The following IQGAP2 variants were observed in gnomAD, a reference collection of about 807,000 sequenced individuals.
IQGAP2 encodes IQ motif containing GTPase activating protein 2.
IQGAP2 carries 173 observed loss-of-function variants against 201.3 expected under a neutral mutation model. That is an observed-to-expected ratio of 0.86 (90% CI 0.76 to 0.98). IQGAP2 has a LOEUF of 0.98. Ranked by LOEUF, IQGAP2 falls within the 50% of genes least tolerant of loss-of-function variation. The pLI, the probability that IQGAP2 is intolerant of heterozygous loss-of-function variation, is 0.00. For missense variants in IQGAP2, 1,687 were observed against 1,864.8 expected (o/e 0.90, Z 1.76); for synonymous variants, 675 against 673.9 (o/e 1.00, Z -0.03).
At position 76,655,000 on chromosome 5, in the gene IQGAP2, T is replaced by C. The variant is rs761779970; in HGVS notation, c.2317T>C (p.Leu773=). 23 of 1,608,050 alleles carry C rather than the reference T, an allele frequency of 1.4e-5. No homozygotes were observed. Among genetic ancestry groups the C allele is most frequent in the South Asian group, 7.7e-5 (7 of 90,882 alleles). The change falls in exon 20 of 36, where the codon TTG becomes CTG. Residue 773 remains leucine (L), a synonymous_variant. Transcript: ENST00000274364. ...ANKARDDYKT[L]VGSENPPLTV... ...CAAAGCTAGAGATGACTACAAAACA[T>C]TGGGTAAGTGAGAGCTTTCTGAAAC...
At chr5:76,640,228 C>G (rs1751461162) in intron 16 of IQGAP2, among the ~76,000 whole-genome samples, 1 of 152,096 alleles carries the variant, frequency 6.6e-6, no homozygotes, top group Admixed American at 6.6e-5. Context: ...TTAAGTTAAC[C>G]AACCATTAAT....
intron 15 of IQGAP2, among the ~76,000 whole-genome samples, chr5:76,634,990 T>A (rs1434241247): frequency 6.6e-6 from 1 of 152,206 alleles, no homozygotes; most frequent in Non-Finnish European, 1.5e-5. Flanking sequence ...TCTAACTACA[T>A]TCAAACTAGA....
chr5:76,507,199 GA>G (rs1474274263), intron 2 of IQGAP2, among the ~76,000 whole-genome samples: 3 of 152,194 alleles, frequency 2.0e-5, no homozygotes, highest in Non-Finnish European at 4.4e-5. Flanking sequence ...AGGGATCTCA[GA>G]AATAGACCTA....
rs149356032 is a variant in IQGAP2, at chr5:76,665,673, T to C, written c.2679+498T>C. On this transcript the variant is annotated intron_variant, in intron 22 of 35. Transcript: ENST00000274364. ...GTTTGGGATTTCAAAATAATATTTC[T>C]TTTTTCTTGTATTATTTTCATGGCA... Among the ~76,000 whole-genome samples the C allele has an allele frequency of 6.6e-5, 10 of 152,354 alleles. No homozygotes were observed. In the East Asian group the frequency reaches 1.5e-3, roughly 23 times the overall value.
At chr5:76,515,796 C>A (rs1173577630) in intron 2 of IQGAP2, among the ~76,000 whole-genome samples, 1 of 147,832 alleles carries the variant, frequency 6.8e-6, no homozygotes, top group African/African-American at 2.5e-5. Flanking sequence ...AAATGAAGGT[C>A]AAGAAAAATA....
At chr5:76,423,341 G>A (rs969915816) in intron 1 of IQGAP2, among the ~76,000 whole-genome samples, 11 of 152,176 alleles carry the variant, frequency 7.2e-5, no homozygotes, top group Non-Finnish European at 1.0e-4. Flanking sequence ...GTGCTTGGTC[G>A]ACCGGGCTTG....
At chr5:76,471,720 G>T (rs1037580293) in intron 2 of IQGAP2, among the ~76,000 whole-genome samples, 9 of 149,680 alleles carry the variant, frequency 6.0e-5, no homozygotes, top group Admixed American at 4.0e-4. Context: ...AAAAAAAAAA[G>T]AGAATCTTCT....
chr5:76,610,619 A>G (rs1281065999), intron 12 of IQGAP2, among the ~76,000 whole-genome samples: 1 of 151,756 alleles, frequency 6.6e-6, no homozygotes, highest in Non-Finnish European at 1.5e-5. Context: ...TAGAAGTTGC[A>G]TTGAATCTGT....
At chr5:76,438,035 G>GTTTT (rs71604291) in intron 1 of IQGAP2, among the ~76,000 whole-genome samples, 3 of 68,592 alleles carry the variant, frequency 4.4e-5, no homozygotes, top group Non-Finnish European at 8.0e-5. Flanking sequence ...TTTTTTGTTT[G>GTTTT]TTTTTTTTTT....
chr5:76,517,127 A>G (rs944825400), intron 2 of IQGAP2, among the ~76,000 whole-genome samples: 1 of 152,102 alleles, frequency 6.6e-6, no homozygotes, highest in Non-Finnish European at 1.5e-5. Context: ...GCCAAGGAAA[A>G]CTAAATACAT....
At chr5:76,574,061 T>C (rs1745304126) in intron 4 of IQGAP2, among the ~76,000 whole-genome samples, 2 of 152,212 alleles carry the variant, frequency 1.3e-5, no homozygotes, top group Admixed American at 1.3e-4. Context: ...ACTTTGCTTC[T>C]TTCTTTTCTC....
At position 76,674,849 on chromosome 5, in the gene IQGAP2, G is replaced by T. The variant is rs1744663508; in HGVS notation, c.3527+140G>T. The stretch of plus-strand genomic sequence containing the variant: ...AGCATTTCTTCTACCAGCCACTGGG[G>T]AAAGAGGAGAGAGGGAAGTGCAGGC... On this transcript the variant is annotated intron_variant, in intron 27 of 35. Transcript: ENST00000274364. 5 of 648,810 alleles carry T rather than the reference G, an allele frequency of 7.7e-6. No homozygotes were observed. In the East Asian group the frequency reaches 1.4e-4, roughly 18 times the overall value. 40.2% of individuals were successfully genotyped at this position (648,810 alleles called of 1,614,324 possible). A position where few individuals can be genotyped will look rare whatever the true frequency, so the allele number is the denominator to read the frequency against.
chr5:76,618,544 C>T lies in IQGAP2; in HGVS notation c.1521+7361C>T, dbSNP rs147259966. 5,398 of 1,613,958 alleles carry T rather than the reference C, an allele frequency of 3.3e-3. 12 individuals carry two copies. The highest frequency in any genetic ancestry group is 4.3e-3 in the Non-Finnish European group (5,068 of 1,180,028). On this transcript the variant is annotated intron_variant, in intron 13 of 35. Coordinates refer to ENST00000274364, the MANE Select transcript of IQGAP2 (RefSeq NM_006633.5). ...GTGGCTCCTGTCCAGCCTTCCAAGGCAGAAAAGGGGAACTCTTCAAAAGAA... is the reference window on the plus strand; with the variant it reads ...GTGGCTCCTGTCCAGCCTTCCAAGGTAGAAAAGGGGAACTCTTCAAAAGAA...
chr5:76,705,600 T>G (rs1169818573), intron 35 of IQGAP2, among the ~76,000 whole-genome samples: 3 of 152,200 alleles, frequency 2.0e-5, no homozygotes, highest in African/African-American at 7.2e-5. Flanking sequence ...AAAGTGAATC[T>G]CCTCTACACT....
intron 2 of IQGAP2, among the ~76,000 whole-genome samples, chr5:76,558,885 T>A (rs888946316): frequency 6.6e-6 from 1 of 151,944 alleles, no homozygotes; most frequent in Non-Finnish European, 1.5e-5. Context: ...TGGCTGGTAA[T>A]CTCTTGTCTG....
At chr5:76,535,074 C>T (rs1759540307) in intron 2 of IQGAP2, among the ~76,000 whole-genome samples, 1 of 152,076 alleles carries the variant, frequency 6.6e-6, no homozygotes, top group South Asian at 2.1e-4. Context: ...AGAGTGAGGC[C>T]AAGCCCCAGG....
At chr5:76,701,324 A>G (rs1561611838) in intron 34 of IQGAP2, 111 bp downstream of exon 34, 2 of 978,376 alleles carry the variant, frequency 2.0e-6, no homozygotes, top group East Asian at 4.8e-5. Context: ...CTGATGGGTG[A>G]CAAGGGAAGA....
At chr5:76,407,884 A>T (rs2150067906) in intron 1 of IQGAP2, among the ~76,000 whole-genome samples, 1 of 152,328 alleles carries the variant, frequency 6.6e-6, no homozygotes, top group South Asian at 2.1e-4. Flanking sequence ...TAATCCCAGG[A>T]CTTTGGGAAG....
rs561515720 is a variant in IQGAP2 at position 76,544,544 on chromosome 5, A to G, written c.147-17852A>G. Among the ~76,000 whole-genome samples the G allele has an allele frequency of 1.1e-3, 171 of 152,352 alleles. 2 individuals are homozygous for G. The highest frequency in any genetic ancestry group is 8.4e-3 in the Admixed American group (128 of 15,304). Reference sequence around the variant, plus strand: ...CTGTGGTTGTGCTGGGTGGAGATGGATCTAGCTAAGGCACACCAGGATGCA... The same window carrying G: ...CTGTGGTTGTGCTGGGTGGAGATGGGTCTAGCTAAGGCACACCAGGATGCA... On this transcript the variant is annotated intron_variant, in intron 2 of 35. Coordinates refer to ENST00000274364, the MANE Select transcript of IQGAP2 (RefSeq NM_006633.5).
Sources: allele counts gnomAD v4.1 joint callset (sites outside exome capture counted in the v4.1 genomes callset), GRCh38; gene constraint gnomAD v4.1.1; transcripts MANE v1.5; gene names NCBI Gene and HGNC (gene_info 2026-07-23, HGNC 2026-07-21).